Variants in KCNS3 observed in about 807,000 individuals in gnomAD.
KCNS3 encodes potassium voltage-gated channel modifier subfamily S member 3.
Under a neutral mutation model 31.0 loss-of-function variants are expected in KCNS3, and 13 were observed. The observed-to-expected ratio is 0.42, with a 90% CI of 0.27 to 0.67. The LOEUF (loss-of-function observed/expected upper bound fraction) is 0.67. Among genes scored for constraint, KCNS3 ranks in the 30% least tolerant of loss-of-function variants. The probability of loss-of-function intolerance (pLI) is 0.25; values close to 1 mark genes in which losing one functional copy is unlikely to be tolerated. For missense variants in KCNS3, 545 were observed against 622.4 expected (o/e 0.88, Z 1.32); for synonymous variants, 238 against 241.5 (o/e 0.99, Z 0.13).
At chr2:17,894,590 A>G (rs1217802462) in intron 1 of KCNS3, among the ~76,000 whole-genome samples, 2 of 152,242 alleles carry the variant, frequency 1.3e-5, no homozygotes, top group Non-Finnish European at 2.9e-5. Flanking sequence ...TAGGAAACTC[A>G]CAGAAACTTT....
chr2:17,903,879 C>A (rs1345774279), intron 1 of KCNS3, among the ~76,000 whole-genome samples: 3 of 152,180 alleles, frequency 2.0e-5, no homozygotes, highest in Non-Finnish European at 4.4e-5. Context: ...TGGGTTGGTT[C>A]CAAGTCTTTA....
chr2:17,921,915 G>GTATATATATATATATA (rs56064218), intron 2 of KCNS3, among the ~76,000 whole-genome samples: 20 of 32,782 alleles, frequency 6.1e-4, no homozygotes, highest in African/African-American at 8.5e-4. Context: ...GTGTGTGTGT[G>GTATATATATATATATA]TATATATATA....
chr2:17,923,495 AT>A (rs1299438606), intron 2 of KCNS3, among the ~76,000 whole-genome samples: 1 of 151,848 alleles, frequency 6.6e-6, no homozygotes, highest in Non-Finnish European at 1.5e-5. Context: ...CAATTTAACT[AT>A]TTTTTCTTTA....
chr2:17,885,297 G>A (rs1257954591), intron 1 of KCNS3, among the ~76,000 whole-genome samples: 1 of 152,080 alleles, frequency 6.6e-6, no homozygotes, highest in Non-Finnish European at 1.5e-5. Context: ...TCCTTACCTG[G>A]TCTTCTTCAT....
At position 17,888,657 on chromosome 2, in the gene KCNS3, A is replaced by C. The variant is rs990015713; in HGVS notation, c.-252+9851A>C. Among the ~76,000 whole-genome samples the C allele has an allele frequency of 5.0e-4, 69 of 137,170 alleles. No individual in the cohort carries two copies. The East Asian group carries it at 0.011, about 23-fold the overall frequency. The allele number at this position is 137,170 out of a possible 152,430, so 90.0% of individuals were successfully genotyped here. On this transcript the variant is annotated intron_variant, in intron 1 of 2. Coordinates refer to ENST00000304101, the MANE Select transcript of KCNS3 (RefSeq NM_002252.5). ...TATATATATATATATATATATATAT[A>C]TATATATATATATATAAAGAAAAGG...
Position 17,931,778 on chromosome 2 carries a change from T to C in KCNS3, c.770T>C (p.Ile257Thr). Residue 257 changes from isoleucine (I) to threonine (T), a missense_variant, in exon 3 of 3, where the codon ATC (isoleucine) becomes ACC (threonine). Coordinates refer to ENST00000304101, the MANE Select transcript of KCNS3 (RefSeq NM_002252.5). This position sits in a 1 kb window ranked among gnomAD's most constrained non-coding sequence, Gnocchi z 5.4. ...QKKFWKNPLN[I>T]IDFVSIIPFY... Reference sequence around the variant, plus strand: ...AAATTCTGGAAAAACCCTCTGAACATCATTGACTTTGTCTCTATTATTCCC... The same window carrying C: ...AAATTCTGGAAAAACCCTCTGAACACCATTGACTTTGTCTCTATTATTCCC... The C allele has an allele frequency of 6.2e-7, 1 of 1,614,126 alleles. No homozygotes were observed. The highest frequency in any genetic ancestry group is 8.5e-7 in the Non-Finnish European group (1 of 1,179,996).
intron 1 of KCNS3, among the ~76,000 whole-genome samples, chr2:17,884,385 G>A (rs1674722210): frequency 6.7e-6 from 1 of 150,222 alleles, no homozygotes; most frequent in African/African-American, 2.5e-5. Context: ...TCTGAGGGCT[G>A]TGAAAAATGG....
chr2:17,888,484 AGG>A (rs945547856), intron 1 of KCNS3, among the ~76,000 whole-genome samples: 57 of 151,080 alleles, frequency 3.8e-4, no homozygotes, highest in Admixed American at 1.5e-3. Flanking sequence ...GTGGGGGGAG[AGG>A]GGAGGGATAG....
intron 1 of KCNS3, among the ~76,000 whole-genome samples, chr2:17,910,215 C>T (rs1662438584): frequency 6.6e-6 from 1 of 152,106 alleles, no homozygotes; most frequent in South Asian, 2.1e-4. Context: ...TACTGTGATT[C>T]CAAAGTAATA....
chr2:17,893,392 C>T (rs1265689607), intron 1 of KCNS3, among the ~76,000 whole-genome samples: 5 of 152,232 alleles, frequency 3.3e-5, no homozygotes, highest in Admixed American at 3.3e-4. Context: ...CCTGTGAAGT[C>T]TGCATGCCGG....
rs1036447634 is a variant in KCNS3 at position 17,931,021 on chromosome 2, G to A, written c.13G>A (p.Glu5Lys). MVFG[E>K]FFHRPGQDEE... ...TTCTGTATCCACCATGGTGTTTGGT[G>A]AGTTTTTCCATCGCCCTGGACAAGA... is the stretch of plus-strand genomic sequence containing the variant. The change falls in exon 3 of 3, where the codon GAG (glutamate) becomes AAG (lysine). Residue 5 changes from glutamate to lysine, a missense_variant. Glu to Lys is a moderately conservative substitution (Grantham distance 56, BLOSUM62 1). Transcript: ENST00000304101. The surrounding 1 kb of genome is among the most constrained non-coding windows in gnomAD (Gnocchi z 5.4). The A allele has an allele frequency of 3.7e-6, 6 of 1,613,298 alleles. No homozygotes were observed. In the African/African-American group the frequency reaches 8.0e-5, roughly 22 times the overall value.
At chr2:17,921,805 C>T (rs1310004721) in intron 2 of KCNS3, among the ~76,000 whole-genome samples, 2 of 151,206 alleles carry the variant, frequency 1.3e-5, no homozygotes, top group African/African-American at 2.4e-5. Context: ...CCAGGCCCCT[C>T]CCCTGACACT....
chr2:17,927,228 A>G (rs1221324381), intron 2 of KCNS3, among the ~76,000 whole-genome samples: 1 of 152,200 alleles, frequency 6.6e-6, no homozygotes, highest in Admixed American at 6.5e-5. Flanking sequence ...ATCTGAGACC[A>G]CTTCAGCCTG....
intron 1 of KCNS3, among the ~76,000 whole-genome samples, chr2:17,895,756 A>G (rs1009431821): frequency 6.6e-6 from 1 of 152,176 alleles, no homozygotes; most frequent in Non-Finnish European, 1.5e-5. Flanking sequence ...AAGAGGCGAC[A>G]TTTGGACTGA....
chr2:17,881,303 G>C (rs1674638383), intron 1 of KCNS3, among the ~76,000 whole-genome samples: 1 of 152,200 alleles, frequency 6.6e-6, no homozygotes, highest in African/African-American at 2.4e-5. Context: ...TGTCAGGAAA[G>C]TGCATCTTCC....
chr2:17,906,653 G>A (rs1188058670), intron 1 of KCNS3, among the ~76,000 whole-genome samples: 1 of 152,212 alleles, frequency 6.6e-6, no homozygotes, highest in Non-Finnish European at 1.5e-5. Flanking sequence ...ATTCTGGTAT[G>A]TTGTGTCGTT....
At chr2:17,916,823 A>G (rs1280403849) in intron 1 of KCNS3, among the ~76,000 whole-genome samples, 3 of 108,944 alleles carry the variant, frequency 2.8e-5, no homozygotes, top group Non-Finnish European at 3.7e-5. Flanking sequence ...GCCTAGCCAG[A>G]GGCACTTTTT....
chr2:17,905,919 T>G lies in KCNS3; in HGVS notation c.-251-11761T>G, dbSNP rs1000493037. 3.9e-5 allele frequency among the ~76,000 whole-genome samples: 6 copies of G among 152,184 alleles called. No homozygotes were observed. In the East Asian group the frequency reaches 9.6e-4, roughly 24 times the overall value. On this transcript the variant is annotated intron_variant, in intron 1 of 2. Coordinates refer to ENST00000304101, the MANE Select transcript of KCNS3 (RefSeq NM_002252.5). ...TTCATCAAGGATATTGGTCTAAAAT[T>G]CTCTTTTTTTGTTGTGTCTCTGCCA...
At chr2:17,894,921 T>A (rs142082208) in intron 1 of KCNS3, among the ~76,000 whole-genome samples, 14 of 152,324 alleles carry the variant, frequency 9.2e-5, no homozygotes, top group African/African-American at 2.9e-4. Flanking sequence ...GAAAATGGGC[T>A]GGAGAAAGGA....
Sources: gnomAD v4.1 joint callset for allele counts (sites outside exome capture counted in the v4.1 genomes callset) on GRCh38, gnomAD v4.1.1 for gene constraint, Gnocchi (gnomAD v3.1) non-coding constraint, MANE v1.5 for transcripts, NCBI Gene and HGNC (gene_info 2026-07-23, HGNC 2026-07-21) for gene names.